The following DLG2 variants were observed in gnomAD, a reference collection of about 807,000 sequenced individuals.
The protein encoded by DLG2 is disks large homolog 2.
A neutral mutation model predicts 132.5 loss-of-function variants in DLG2; 45 were observed. The observed-to-expected ratio is 0.34, with a 90% CI of 0.27 to 0.44. DLG2 has a LOEUF of 0.44. DLG2 is among the 20% of genes least tolerant of loss of function. The probability of loss-of-function intolerance (pLI) is 1.00; values close to 1 mark genes in which losing one functional copy is unlikely to be tolerated. For missense variants in DLG2, 1,045 were observed against 1,196.9 expected (o/e 0.87, Z 1.87); for synonymous variants, 424 against 419.6 (o/e 1.01, Z -0.13).
At chr11:84,619,233 A>AT (rs2099609771) in intron 6 of DLG2, among the ~76,000 whole-genome samples, 1 of 151,954 alleles carries the variant, frequency 6.6e-6, no homozygotes, top group African/African-American at 2.4e-5. Context: ...TCTTAGGGAA[A>AT]TTTAAAAAAA....
At chr11:83,724,414 A>G (rs1371264432) in intron 18 of DLG2, among the ~76,000 whole-genome samples, 1 of 151,108 alleles carries the variant, frequency 6.6e-6, no homozygotes, top group African/African-American at 2.4e-5. Context: ...AACCAATTTA[A>G]GTCTAAAGCA....
chr11:83,922,538 T>G (rs1373037734), intron 15 of DLG2, among the ~76,000 whole-genome samples: 1 of 152,146 alleles, frequency 6.6e-6, no homozygotes, highest in African/African-American at 2.4e-5. Context: ...TATCAGCCTT[T>G]TAAGGGCATA....
chr11:83,742,010 G>A (rs1273870481), intron 18 of DLG2, among the ~76,000 whole-genome samples: 4 of 152,122 alleles, frequency 2.6e-5, no homozygotes, highest in African/African-American at 7.2e-5. Flanking sequence ...GACTGAGAAT[G>A]CTGTCTCCCA....
At chr11:84,244,245 A>G (rs1446253209) in intron 8 of DLG2, among the ~76,000 whole-genome samples, 3 of 151,822 alleles carry the variant, frequency 2.0e-5, no homozygotes, top group Non-Finnish European at 4.4e-5. Flanking sequence ...GTGCAGTGGC[A>G]CAATCTCAGC....
intron 6 of DLG2, among the ~76,000 whole-genome samples, chr11:84,764,998 T>C (rs2068202869): frequency 6.6e-6 from 1 of 152,114 alleles, no homozygotes. Flanking sequence ...ATGGTTATAT[T>C]TGCATGTCCA....
At chr11:84,581,006 T>C (rs1394881424) in intron 6 of DLG2, among the ~76,000 whole-genome samples, 4 of 152,334 alleles carry the variant, frequency 2.6e-5, no homozygotes, top group African/African-American at 9.6e-5. Context: ...TAATGAAAGA[T>C]CTTCTGTTGA....
chr11:84,039,796 C>T (rs953623861), intron 11 of DLG2, among the ~76,000 whole-genome samples: 9 of 122,298 alleles, frequency 7.4e-5, no homozygotes. Flanking sequence ...AATCGCCACA[C>T]TGACTTCCAC....
At chr11:84,324,296 G>A (rs529234973) in intron 7 of DLG2, among the ~76,000 whole-genome samples, 1 of 151,906 alleles carries the variant, frequency 6.6e-6, no homozygotes, top group Non-Finnish European at 1.5e-5. Flanking sequence ...AACATTATTT[G>A]TTAAAAGAGA....
chr11:84,884,592 CT>C (rs2154056867), intron 6 of DLG2, among the ~76,000 whole-genome samples: 1 of 152,176 alleles, frequency 6.6e-6, no homozygotes, highest in Non-Finnish European at 1.5e-5. Context: ...ATACAACTAA[CT>C]TCAGATTAAT....
At chr11:85,319,964 A>T (rs1400253306) in intron 3 of DLG2, among the ~76,000 whole-genome samples, 1 of 151,834 alleles carries the variant, frequency 6.6e-6, no homozygotes, top group Non-Finnish European at 1.5e-5. Context: ...ATTTTTGGGT[A>T]CTCAATCATG....
At chr11:84,763,079 T>A (rs1437699392) in intron 6 of DLG2, among the ~76,000 whole-genome samples, 1 of 152,218 alleles carries the variant, frequency 6.6e-6, no homozygotes, top group Non-Finnish European at 1.5e-5. Context: ...TTTGACCAAT[T>A]TATTTGGCTA....
At chr11:84,890,832 C>A (rs1039667740) in intron 6 of DLG2, 7 of 152,356 alleles carry the variant, frequency 4.6e-5, no homozygotes, top group African/African-American at 1.7e-4. Flanking sequence ...GGCCAGTCTT[C>A]AGAGGCCAGT....
rs980539663 is a variant in DLG2 at position 84,360,497 on chromosome 11, C to T, written c.520-109206G>A. ...AACAATTTTCAGTCATTTGATGTCC[C>T]TATCATCCATGAGAGAAAGGAAATA... is the stretch of plus-strand genomic sequence containing the variant. On this transcript the variant is annotated intron_variant, in intron 7 of 27. Coordinates refer to ENST00000376104, the MANE Select transcript of DLG2 (RefSeq NM_001142699.3). Among the ~76,000 whole-genome samples the T allele has an allele frequency of 1.3e-4, 20 of 151,928 alleles. 1 individual carries two copies. Among genetic ancestry groups the T allele is most frequent in the Non-Finnish European group, 2.9e-5 (2 of 67,924 alleles).
intron 7 of DLG2, among the ~76,000 whole-genome samples, chr11:84,436,781 G>T (rs1023209318): frequency 2.6e-5 from 4 of 152,152 alleles, no homozygotes; most frequent in African/African-American, 7.2e-5. Context: ...CTGAATACAA[G>T]AAATGCAAAT....
At chr11:84,515,896 C>T (rs1565163620) in intron 7 of DLG2, among the ~76,000 whole-genome samples, 1 of 151,570 alleles carries the variant, frequency 6.6e-6, no homozygotes, top group Non-Finnish European at 1.5e-5. Flanking sequence ...TCTTTTCCAA[C>T]AACAATGGAA....
intron 5 of DLG2, among the ~76,000 whole-genome samples, chr11:85,122,940 G>GTATATATATTATATATATA (rs2074519215): frequency 3.4e-4 from 16 of 47,682 alleles, no homozygotes; most frequent in South Asian, 1.5e-3. Context: ...ATGTGTGTCT[G>GTATATATATTATATATATA]TATATATATT....
chr11:84,692,765 G>T (rs1293970570), intron 6 of DLG2, among the ~76,000 whole-genome samples: 1 of 151,456 alleles, frequency 6.6e-6, no homozygotes, highest in Non-Finnish European at 1.5e-5. Context: ...GTTTAAAATG[G>T]CTCAAATCAC....
intron 9 of DLG2, among the ~76,000 whole-genome samples, chr11:84,124,716 T>A (rs2094086978): frequency 6.6e-6 from 1 of 152,210 alleles, no homozygotes; most frequent in South Asian, 2.1e-4. Context: ...CATGGATATC[T>A]TATTTTGAAA....
chr11:84,380,425 A>T (rs1452904589), intron 7 of DLG2, among the ~76,000 whole-genome samples: 4 of 152,068 alleles, frequency 2.6e-5, no homozygotes, highest in Admixed American at 2.0e-4. Flanking sequence ...TTGACCACAA[A>T]ATAATGAGAA....
Sources: allele counts gnomAD v4.1 joint callset (sites outside exome capture counted in the v4.1 genomes callset), GRCh38; gene constraint gnomAD v4.1.1; transcripts MANE v1.5; gene names NCBI Gene and HGNC (gene_info 2026-07-23, HGNC 2026-07-21).